The following NBAS variants were observed in gnomAD, a reference collection of about 807,000 sequenced individuals.
The protein encoded by NBAS is NAG/BC035112 fusion.
In NBAS, 219 loss-of-function variants were observed where a neutral mutation model predicts 302.5. The ratio of observed to expected loss-of-function variants is 0.72; its 90% confidence interval spans 0.65 to 0.81. The LOEUF is 0.81. Ranked by LOEUF, NBAS falls within the 30% of genes least tolerant of loss-of-function variation. The probability of loss-of-function intolerance (pLI) is 0.00; values close to 1 mark genes in which losing one functional copy is unlikely to be tolerated. For missense variants in NBAS, 2,932 were observed against 2,841.6 expected (o/e 1.03, Z -0.72); for synonymous variants, 1,118 against 1,021.6 (o/e 1.09, Z -1.80).
chr2:15,219,247 A>T (rs1010719879), intron 47 of NBAS, among the ~76,000 whole-genome samples: 2 of 152,180 alleles, frequency 1.3e-5, no homozygotes, highest in African/African-American at 4.8e-5. Flanking sequence ...AAATTTAATA[A>T]GTAGTAAGGT....
the NBAS span, among the ~76,000 whole-genome samples, chr2:15,098,395 T>TTG: frequency 3.7e-4 from 6 of 16,268 alleles, 1 homozygote; most frequent in African/African-American, 5.3e-4. Flanking sequence ...ATATTGTATA[T>TTG]TATATATTAT....
At chr2:15,389,797 C>A (rs1487998260) in intron 28 of NBAS, among the ~76,000 whole-genome samples, 1 of 152,188 alleles carries the variant, frequency 6.6e-6, no homozygotes, top group Non-Finnish European at 1.5e-5. Context: ...CTCACTCTGT[C>A]ACCCAGACTG....
chr2:15,164,483 G>A (rs564976297), downstream of NBAS, among the ~76,000 whole-genome samples: 9 of 152,340 alleles, frequency 5.9e-5, no homozygotes, highest in African/African-American at 1.7e-4. Flanking sequence ...GAGGCTCAGA[G>A]AGAGAGGCCT....
the NBAS span, among the ~76,000 whole-genome samples, chr2:15,127,156 G>A: frequency 2.6e-5 from 4 of 152,180 alleles, no homozygotes; most frequent in African/African-American, 9.7e-5. Flanking sequence ...GGGGCCCGTT[G>A]TTTTCATTTT....
At chr2:15,361,483 A>G (rs1187590270) in intron 32 of NBAS, among the ~76,000 whole-genome samples, 1 of 152,096 alleles carries the variant, frequency 6.6e-6, no homozygotes, top group Non-Finnish European at 1.5e-5. Context: ...ACCGCACTCC[A>G]GCCTGGGTGA....
the NBAS span, among the ~76,000 whole-genome samples, chr2:15,065,087 T>C: frequency 1.4e-4 from 21 of 152,102 alleles, no homozygotes; most frequent in African/African-American, 4.3e-4. Context: ...AGAAAAAATT[T>C]ACCTCAACAA....
At chr2:15,097,064 A>G in the NBAS span, among the ~76,000 whole-genome samples, 3 of 152,272 alleles carry the variant, frequency 2.0e-5, no homozygotes, top group East Asian at 1.9e-4. Context: ...GCAAAGTTGA[A>G]TCTCCTGGGT....
At chr2:15,517,683 T>C (rs1662466646) in intron 9 of NBAS, among the ~76,000 whole-genome samples, 1 of 147,430 alleles carries the variant, frequency 6.8e-6, no homozygotes, top group Non-Finnish European at 1.5e-5. Flanking sequence ...TGGAAAATAC[T>C]GTAAGTGAAA....
At chr2:15,348,209 C>T (rs1673183204) in intron 35 of NBAS, among the ~76,000 whole-genome samples, 1 of 152,142 alleles carries the variant, frequency 6.6e-6, no homozygotes, top group Non-Finnish European at 1.5e-5. Flanking sequence ...CAGGTTTGGA[C>T]TAGCACTTCA....
the NBAS span, among the ~76,000 whole-genome samples, chr2:14,870,312 C>A: frequency 6.6e-6 from 1 of 152,128 alleles, no homozygotes; most frequent in African/African-American, 2.4e-5. Flanking sequence ...CAGAGAGCTG[C>A]AAAGGGAACC....
intron 38 of NBAS, among the ~76,000 whole-genome samples, chr2:15,314,863 C>A (rs1310457669): frequency 1.3e-5 from 2 of 152,100 alleles, no homozygotes; most frequent in Non-Finnish European, 2.9e-5. Context: ...AAAACAAAAA[C>A]CTACGGATGG....
intron 9 of NBAS, among the ~76,000 whole-genome samples, chr2:15,533,442 A>G (rs1260241847): frequency 6.6e-6 from 1 of 152,244 alleles, no homozygotes; most frequent in African/African-American, 2.4e-5. Context: ...AATAGTAGTT[A>G]AAAATGAATA....
the NBAS span, among the ~76,000 whole-genome samples, chr2:15,038,830 G>C: frequency 6.6e-6 from 1 of 152,230 alleles, no homozygotes; most frequent in Non-Finnish European, 1.5e-5. Flanking sequence ...GAGAGGAAGT[G>C]GGATGGGGAG....
intron 11 of NBAS, among the ~76,000 whole-genome samples, chr2:15,496,289 C>G (rs1164317238): frequency 1.3e-5 from 2 of 152,036 alleles, no homozygotes; most frequent in Non-Finnish European, 2.9e-5. Context: ...CAAATTTATA[C>G]AAACTAAAAG....
chr2:15,443,851 C>T lies in NBAS; in HGVS notation c.2340-16057G>A, dbSNP rs201778426. 3.9e-5 allele frequency among the ~76,000 whole-genome samples: 6 copies of T among 152,234 alleles called. No individual in the cohort carries two copies. In the East Asian group the frequency reaches 1.2e-3, roughly 29 times the overall value. On this transcript the variant is annotated intron_variant, in intron 21 of 51. Coordinates refer to ENST00000281513, the MANE Select transcript of NBAS (RefSeq NM_015909.4). Reference sequence around the variant, plus strand: ...TACAAAAATCACAAGCCTTCTTATACACCAATAACAGACAAACAGAGAGCC... The same window carrying T: ...TACAAAAATCACAAGCCTTCTTATATACCAATAACAGACAAACAGAGAGCC...
chr2:14,926,141 C>T, the NBAS span, among the ~76,000 whole-genome samples: 1 of 152,098 alleles, frequency 6.6e-6, no homozygotes, highest in South Asian at 2.1e-4. Flanking sequence ...TGTGATAGAG[C>T]CAAAATTTTG....
At chr2:15,446,540 G>T (rs957744144) in intron 21 of NBAS, among the ~76,000 whole-genome samples, 2 of 152,166 alleles carry the variant, frequency 1.3e-5, no homozygotes, top group African/African-American at 4.8e-5. Flanking sequence ...GCATGCTAAA[G>T]AAAGTGTTTC....
At chr2:15,283,401 T>A (rs889077049) in intron 42 of NBAS, among the ~76,000 whole-genome samples, 6 of 152,102 alleles carry the variant, frequency 3.9e-5, no homozygotes, top group Non-Finnish European at 8.8e-5. Flanking sequence ...GGTAACTGAA[T>A]CATGGGGGTG....
chr2:15,420,362 G>C (rs112825402), intron 23 of NBAS, among the ~76,000 whole-genome samples: 4 of 152,328 alleles, frequency 2.6e-5, no homozygotes, highest in African/African-American at 9.6e-5. Context: ...TGCGGTCTCA[G>C]CAGGGCGGTG....
Sources: gnomAD v4.1 joint callset for allele counts (sites outside exome capture counted in the v4.1 genomes callset) on GRCh38, gnomAD v4.1.1 for gene constraint, MANE v1.5 for transcripts, NCBI Gene and HGNC (gene_info 2026-07-23, HGNC 2026-07-21) for gene names.